The following SIAE variants were observed in gnomAD, a reference collection of about 807,000 sequenced individuals.
SIAE encodes sialate O-acetylesterase.
In SIAE, 39 loss-of-function variants were observed where a neutral mutation model predicts 52.6. The ratio of observed to expected loss-of-function variants is 0.74; its 90% confidence interval spans 0.57 to 0.97. SIAE has a LOEUF of 0.97. Among genes scored for constraint, SIAE ranks in the 50% least tolerant of loss-of-function variants. SIAE has a pLI of 0.00. For missense variants in SIAE, 592 were observed against 662.1 expected, an observed-to-expected ratio of 0.89 and a Z score of 1.16; for synonymous variants, 233 against 241.4, an observed-to-expected ratio of 0.97 and a Z score of 0.32.
rs776823250 is a variant in SIAE at position 124,660,790 on chromosome 11, C to T, written c.243G>A (p.Thr81=). 9.3e-6 allele frequency: 15 copies of T among 1,613,986 alleles called. No homozygotes were observed. The highest frequency in any genetic ancestry group is 8.8e-5 in the South Asian group (8 of 91,074). The change falls in exon 3 of 10, where the codon ACG becomes ACA. Residue 81 remains threonine, a synonymous_variant. Coordinates refer to ENST00000263593, the MANE Select transcript of SIAE (RefSeq NM_170601.5). ...KVTSVKAHSD[T]WMVVLDPMKP... The stretch of plus-strand genomic sequence containing the variant: ...TCATAGGATCCAGTACCACCATCCA[C>T]GTATCAGAGTGAGCTGAAATAGTAA...
At chr11:124,658,655 C>G (rs1456443239) in intron 3 of SIAE, among the ~76,000 whole-genome samples, 2 of 152,126 alleles carry the variant, frequency 1.3e-5, no homozygotes, top group African/African-American at 2.4e-5. Context: ...TTTTAAAATT[C>G]CACTTTACCC....
chr11:124,671,823 G>A (rs560222227), intron 1 of SIAE, among the ~76,000 whole-genome samples: 13 of 152,194 alleles, frequency 8.5e-5, no homozygotes, highest in East Asian at 3.9e-4. Context: ...GTGCAGTGGT[G>A]CGATCTCAGC....
rs755106006 is a variant in SIAE, at chr11:124,634,887, ACTTG to A, written c.*2060_*2063del. On this transcript the variant is annotated 3_prime_UTR_variant, in exon 10 of 10. Transcript: ENST00000263593. Reference sequence around the variant, plus strand: ...AATGATGAATTTGGGGGTGATTTTTACTTGCTTATACTTTAGTGTCCAAATTTTC... The same window carrying A: ...AATGATGAATTTGGGGGTGATTTTTACTTATACTTTAGTGTCCAAATTTTC... 17 of 152,294 alleles carry A rather than the reference ACTTG, an allele frequency of 1.1e-4. No individual in the cohort carries two copies. The highest frequency in any genetic ancestry group is 2.0e-4 in the Admixed American group (3 of 15,294). The allele number at this position is 152,294 out of a possible 1,614,324, so 9.4% of individuals were successfully genotyped here. A position where few individuals can be genotyped will look rare whatever the true frequency, so the allele number is the denominator to read the frequency against.
chr11:124,652,535 A>C (rs542003491), intron 4 of SIAE, among the ~76,000 whole-genome samples: 1 of 152,064 alleles, frequency 6.6e-6, no homozygotes, highest in Non-Finnish European at 1.5e-5. Flanking sequence ...TCTCTACTAA[A>C]ATACAAATAT....
chr11:124,638,866 G>C, intron 8 of SIAE, 129 bp from the exon 9 acceptor site: 1 of 741,110 alleles, frequency 1.3e-6, no homozygotes, highest in Non-Finnish European at 2.3e-6. Flanking sequence ...TCTGTGATCA[G>C]TGGCTAGTCA....
At position 124,660,807 on chromosome 11, in the gene SIAE, A is replaced by C. The variant is rs766671303; in HGVS notation, c.230-4T>G. On this transcript the variant is annotated splice_region_variant and splice_polypyrimidine_tract_variant and intron_variant, in intron 2 of 9. Transcript: ENST00000263593. ...ACCATCCACGTATCAGAGTGAGCTG[A>C]AATAGTAACAGGACTCCAAGGAATT... The C allele has an allele frequency of 4.3e-6, 7 of 1,614,034 alleles. No homozygotes were observed. The highest frequency in any genetic ancestry group is 5.9e-6 in the Non-Finnish European group (7 of 1,179,982).
At chr11:124,671,292 T>C (rs552979991) in intron 1 of SIAE, among the ~76,000 whole-genome samples, 34 of 152,338 alleles carry the variant, frequency 2.2e-4, no homozygotes, top group African/African-American at 7.2e-4. Context: ...TAAAATAGCT[T>C]GCATGTTCAT....
intron 3 of SIAE, chr11:124,659,973 A>T (rs1021885448): frequency 6.4e-6 from 1 of 155,414 alleles, no homozygotes; most frequent in African/African-American, 2.4e-5. Context: ...CAAATTTAAT[A>T]TTTCTCAAAG....
intron 7 of SIAE, among the ~76,000 whole-genome samples, chr11:124,646,693 G>A (rs1212919928): frequency 2.0e-4 from 31 of 152,158 alleles, no homozygotes; most frequent in Admixed American, 2.0e-3. Context: ...TTACAAAGGT[G>A]TACCTTTTGA....
chr11:124,654,675 T>G lies in SIAE; in HGVS notation c.524A>C (p.Gln175Pro). The G allele has an allele frequency of 6.2e-7, 1 of 1,614,174 alleles. No individual in the cohort carries two copies. The highest frequency in any genetic ancestry group is 2.2e-5 in the East Asian group (1 of 44,890). Reference sequence around the variant, plus strand: ...CATACCTGAGGTGGGCTTAGACCACTGCAAGTCAACCGCAACAAGGTCCTC... The same window carrying G: ...CATACCTGAGGTGGGCTTAGACCACGGCAAGTCAACCGCAACAAGGTCCTC... ...ELEDLVAVDL[Q>P]WSKPTSENLG... Residue 175 changes from glutamine to proline, a missense_variant, in exon 4 of 10, where the codon CAG becomes CCG. Transcript: ENST00000263593.
chr11:124,654,244 G>C (rs1433783804), intron 4 of SIAE: 2 of 985,268 alleles, frequency 2.0e-6, no homozygotes, highest in Non-Finnish European at 2.4e-6. Flanking sequence ...GAAAACCACA[G>C]TGCCTAAGGG....
rs558139198 is a variant in SIAE, at chr11:124,634,599, A to T, written c.*2352T>A. 3 of 152,272 alleles carry T rather than the reference A, an allele frequency of 2.0e-5. No individual in the cohort carries two copies. In the East Asian group the frequency reaches 5.8e-4, roughly 29 times the overall value. 9.4% of individuals were successfully genotyped at this position (152,272 alleles called of 1,614,324 possible). ...GAAATAACTGGACGAGTGTGGTATGATGTTTGCATGTGATATTCATTACAG... is the reference window on the plus strand; with the variant it reads ...GAAATAACTGGACGAGTGTGGTATGTTGTTTGCATGTGATATTCATTACAG... On this transcript the variant is annotated 3_prime_UTR_variant, in exon 10 of 10. Transcript: ENST00000263593.
chr11:124,651,543 G>GT (rs1943017439), intron 4 of SIAE, among the ~76,000 whole-genome samples: 2 of 131,604 alleles, frequency 1.5e-5, no homozygotes, highest in Non-Finnish European at 3.0e-5. Context: ...GCAAGACTCC[G>GT]TCTCAAAAAA....
At position 124,639,724 on chromosome 11, in the gene SIAE, GTC is replaced by G; in HGVS notation, c.1108_1109del (p.Asp370LeufsTer11). ...AGCAATCATACCTGCCAAAAGGCGA[GTC>G]TCTATCACAGAGATCCATAGCTACA... Reference protein sequence around the residue: ...MAVAMDLCDRDSPFGSIHPRD... With the variant: ...MAVAMDLCDRXSPFGSIHPRD... On this transcript the variant is annotated frameshift_variant, in exon 8 of 10. Coordinates refer to ENST00000263593, the MANE Select transcript of SIAE (RefSeq NM_170601.5). LOFTEE classifies it high-confidence loss of function. 6.2e-7 allele frequency: 1 copy of G among 1,614,112 alleles called. No individual in the cohort carries two copies. Among genetic ancestry groups the G allele is most frequent in the Non-Finnish European group, 8.5e-7 (1 of 1,179,958 alleles).
chr11:124,649,872 G>A (rs955957989), intron 4 of SIAE, 76 bp from the exon 5 acceptor site: 5 of 1,432,226 alleles, frequency 3.5e-6, no homozygotes, highest in South Asian at 3.5e-5. Context: ...TAGGTGGGTC[G>A]AGGTGAGAAG....
intron 4 of SIAE, 190 bp downstream of exon 4, chr11:124,654,465 A>C (rs1255794958): frequency 1.0e-6 from 1 of 985,350 alleles, no homozygotes; most frequent in Non-Finnish European, 1.2e-6. Context: ...AGCAAGAGGG[A>C]AGATTTGTTG....
At chr11:124,653,893 G>C (rs1023542921) in intron 4 of SIAE, among the ~76,000 whole-genome samples, 1 of 152,100 alleles carries the variant, frequency 6.6e-6, no homozygotes, top group Non-Finnish European at 1.5e-5. Flanking sequence ...ATGAAATGGA[G>C]AGTGGCCGGG....
chr11:124,649,038 G>A (rs1288047825), intron 5 of SIAE, among the ~76,000 whole-genome samples: 1 of 152,136 alleles, frequency 6.6e-6, no homozygotes, highest in Non-Finnish European at 1.5e-5. Flanking sequence ...CCCTCCCCAA[G>A]TATTCTTCCT....
At chr11:124,668,461 C>T (rs929623285) in intron 2 of SIAE, among the ~76,000 whole-genome samples, 2 of 152,176 alleles carry the variant, frequency 1.3e-5, no homozygotes, top group Admixed American at 6.5e-5. Context: ...AGCACAGTAT[C>T]GGGCACATAG....
Sources: gnomAD v4.1 joint callset for allele counts (sites outside exome capture counted in the v4.1 genomes callset) on GRCh38, gnomAD v4.1.1 for gene constraint, MANE v1.5 for transcripts, NCBI Gene and HGNC (gene_info 2026-07-23, HGNC 2026-07-21) for gene names.